PLXNC1: variants seen among roughly 807,000 people sequenced by gnomAD.
The protein encoded by PLXNC1 is plexin-C1.
In PLXNC1, 75 loss-of-function variants were observed where a neutral mutation model predicts 178.2. The observed-to-expected ratio is 0.42, with a 90% CI of 0.35 to 0.51. The LOEUF is 0.51. Among genes scored for constraint, PLXNC1 ranks in the 20% least tolerant of loss-of-function variants. The pLI, the probability that PLXNC1 is intolerant of heterozygous loss-of-function variation, is 0.02. For missense variants in PLXNC1, 1,503 were observed against 1,984.4 expected, an observed-to-expected ratio of 0.76 and a Z score of 4.61; for synonymous variants, 790 against 779.9, an observed-to-expected ratio of 1.01 and a Z score of -0.22.
At chr12:94,189,102 C>T (rs923200272) in intron 4 of PLXNC1, among the ~76,000 whole-genome samples, 15 of 152,196 alleles carry the variant, frequency 9.9e-5, no homozygotes, top group African/African-American at 2.9e-4. Flanking sequence ...GAGCTGTAAG[C>T]ATGGTTTTGT....
chr12:94,219,968 G>C (rs1161494180), intron 5 of PLXNC1, 48 bp from the exon 6 acceptor site: 2 of 1,592,714 alleles, frequency 1.3e-6, no homozygotes, highest in African/African-American at 1.3e-5. Context: ...ATGATGGATG[G>C]AAATGAGGCA....
At chr12:94,236,545 C>G (rs1266535906) in intron 9 of PLXNC1, among the ~76,000 whole-genome samples, 1 of 152,210 alleles carries the variant, frequency 6.6e-6, no homozygotes, top group Non-Finnish European at 1.5e-5. Context: ...AGTGGATGCA[C>G]TCAGCATTTA....
chr12:94,247,609 A>G (rs1964564625), intron 12 of PLXNC1, among the ~76,000 whole-genome samples: 1 of 152,108 alleles, frequency 6.6e-6, no homozygotes. Flanking sequence ...ATAACCTTCC[A>G]GCTGCTTTCA....
intron 26 of PLXNC1, among the ~76,000 whole-genome samples, chr12:94,298,022 T>A (rs1455243321): frequency 6.6e-6 from 1 of 152,208 alleles, no homozygotes; most frequent in Non-Finnish European, 1.5e-5. Context: ...TGCTATGATC[T>A]ACACTTGGCC....
chr12:94,162,742 TG>T (rs1961432190), intron 1 of PLXNC1, among the ~76,000 whole-genome samples: 1 of 151,686 alleles, frequency 6.6e-6, no homozygotes, highest in African/African-American at 2.4e-5. Context: ...GAGTTGAGGG[TG>T]ATTAGTGGTG....
chr12:94,281,265 G>C (rs1489913409), intron 22 of PLXNC1, among the ~76,000 whole-genome samples: 1 of 152,060 alleles, frequency 6.6e-6, no homozygotes, highest in Non-Finnish European at 1.5e-5. Flanking sequence ...GGCAATGGAG[G>C]GAGACCCTGT....
chr12:94,259,428 G>A, intron 18 of PLXNC1, 53 bp downstream of exon 18: 1 of 1,363,886 alleles, frequency 7.3e-7, no homozygotes, highest in Admixed American at 2.3e-5. Flanking sequence ...TGTTCATAGT[G>A]TTATCATCAT....
intron 24 of PLXNC1, 35 bp downstream of exon 24, chr12:94,294,575 AC>A: frequency 1.1e-6 from 1 of 929,408 alleles, no homozygotes; most frequent in Non-Finnish European, 1.7e-6. Context: ...TTTTGTTCTC[AC>A]CCAGCTTCAT....
At chr12:94,290,501 C>T (rs1328433432) in intron 23 of PLXNC1, among the ~76,000 whole-genome samples, 1 of 152,256 alleles carries the variant, frequency 6.6e-6, no homozygotes, top group Non-Finnish European at 1.5e-5. Flanking sequence ...CCCCAGCCGG[C>T]CCCTGCCCAG....
At chr12:94,244,231 G>A (rs1266053275) in intron 12 of PLXNC1, among the ~76,000 whole-genome samples, 1 of 152,198 alleles carries the variant, frequency 6.6e-6, no homozygotes, top group South Asian at 2.1e-4. Context: ...CAGCAATGAG[G>A]AAAGAGAAAT....
At chr12:94,279,253 T>C (rs1314283979) in intron 21 of PLXNC1, among the ~76,000 whole-genome samples, 1 of 152,240 alleles carries the variant, frequency 6.6e-6, no homozygotes, top group Non-Finnish European at 1.5e-5. Flanking sequence ...TATTCAATGC[T>C]TGCTCTATAA....
At chr12:94,192,289 T>C (rs17022157) in intron 4 of PLXNC1, among the ~76,000 whole-genome samples, 28,789 of 152,044 alleles carry the variant, frequency 0.19, 2,950 homozygotes, top group African/African-American at 0.22. Context: ...GGCAGACTTA[T>C]CAATGGCCAA....
intron 4 of PLXNC1, among the ~76,000 whole-genome samples, chr12:94,207,204 AG>A (rs1465779939): frequency 6.6e-6 from 1 of 152,168 alleles, no homozygotes; most frequent in Admixed American, 6.5e-5. Context: ...GGCAAAGAAT[AG>A]GAGTTCAGAG....
Position 94,303,732 on chromosome 12 carries a change from CTTTTTTTT to C in PLXNC1, c.4387-14_4387-7del. 1.2e-6 allele frequency: 1 copy of C among 843,776 alleles called. No homozygotes were observed. Among genetic ancestry groups the C allele is most frequent in the Non-Finnish European group, 1.5e-6 (1 of 653,446 alleles). The allele number at this position is 843,776 out of a possible 1,614,324, so 52.3% of individuals were successfully genotyped here. A position where few individuals can be genotyped will look rare whatever the true frequency, so the allele number is the denominator to read the frequency against. On this transcript the variant is annotated splice_polypyrimidine_tract_variant and intron_variant, in intron 28 of 30. Coordinates refer to ENST00000258526, the MANE Select transcript of PLXNC1 (RefSeq NM_005761.3). Reference sequence around the variant, plus strand: ...TTTTTTACTCTTTTGGTGATGGTTGCTTTTTTTTTTTTTTTTTCCCCAGGAAGCACCAA... The same window carrying C: ...TTTTTTACTCTTTTGGTGATGGTTGCTTTTTTTTTCCCCAGGAAGCACCAA...
At chr12:94,247,051 T>A (rs556689311) in intron 12 of PLXNC1, among the ~76,000 whole-genome samples, 1 of 152,272 alleles carries the variant, frequency 6.6e-6, no homozygotes, top group East Asian at 1.9e-4. Context: ...ATTTATGTTA[T>A]GTATTTACTA....
At chr12:94,208,931 GC>G (rs1432568492) in intron 4 of PLXNC1, among the ~76,000 whole-genome samples, 1 of 152,220 alleles carries the variant, frequency 6.6e-6, no homozygotes, top group African/African-American at 2.4e-5. Flanking sequence ...ATCTGGGTCA[GC>G]CTCTGAGCTG....
intron 21 of PLXNC1, among the ~76,000 whole-genome samples, chr12:94,271,954 G>A (rs1240653232): frequency 1.3e-5 from 2 of 152,120 alleles, no homozygotes; most frequent in East Asian, 1.9e-4. Context: ...ACATATGACC[G>A]CTGTGATGGG....
chr12:94,186,935 T>C lies in PLXNC1; in HGVS notation c.1439+462T>C, dbSNP rs1962533776. The stretch of plus-strand genomic sequence containing the variant: ...GCCGTCTCCTAATGCGCCGCGCAGC[T>C]GTGGGCCTGATGTACAATCTCAGTC... On this transcript the variant is annotated intron_variant, in intron 4 of 30. Transcript: ENST00000258526. Among the ~76,000 whole-genome samples the C allele has an allele frequency of 2.0e-5, 3 of 152,244 alleles. No homozygotes were observed. In the South Asian group the frequency reaches 6.2e-4, roughly 32 times the overall value.
At chr12:94,220,615 C>T (rs1963767303) in intron 6 of PLXNC1, among the ~76,000 whole-genome samples, 1 of 152,134 alleles carries the variant, frequency 6.6e-6, no homozygotes, top group Admixed American at 6.5e-5. Context: ...ACTAGGGATA[C>T]AGTGACTCCC....
Sources: gnomAD v4.1 joint callset for allele counts (sites outside exome capture counted in the v4.1 genomes callset) on GRCh38, gnomAD v4.1.1 for gene constraint, MANE v1.5 for transcripts, NCBI Gene and HGNC (gene_info 2026-07-23, HGNC 2026-07-21) for gene names.